The following P2RX4 variants were observed in gnomAD, a reference collection of about 807,000 sequenced individuals.
P2RX4 encodes the protein P2X purinoceptor 4.
Under a neutral mutation model 48.0 loss-of-function variants are expected in P2RX4, and 37 were observed. That is an observed-to-expected ratio of 0.77 (90% CI 0.59 to 1.01). P2RX4 has a LOEUF of 1.01. P2RX4 is among the 50% of genes least tolerant of loss of function. P2RX4 has a pLI of 0.00. For missense variants in P2RX4, 501 were observed against 521.4 expected, an observed-to-expected ratio of 0.96 and a Z score of 0.38; for synonymous variants, 200 against 199.7, an observed-to-expected ratio of 1.00 and a Z score of -0.01.
chr12:121,223,073 T>TTTTTG (rs763093900), intron 5 of P2RX4, 30 bp downstream of exon 5: 33 of 1,427,478 alleles, frequency 2.3e-5, no homozygotes, highest in East Asian at 6.8e-5. Flanking sequence ...AGGAAGTGCC[T>TTTTTG]TTTTGTTTTG....
intron 8 of P2RX4, among the ~76,000 whole-genome samples, chr12:121,230,703 C>T (rs1395860112): frequency 6.6e-6 from 1 of 152,194 alleles, no homozygotes; most frequent in Non-Finnish European, 1.5e-5. Context: ...CCTCGGGCAG[C>T]ACCAGGCCCT....
At chr12:121,217,315 G>T in intron 2 of P2RX4, 34 bp downstream of exon 2, 1 of 1,604,666 alleles carries the variant, frequency 6.2e-7, no homozygotes, top group Non-Finnish European at 8.5e-7. Context: ...GTCTAACACT[G>T]ACACCTTGCT....
intron 5 of P2RX4, 105 bp downstream of exon 5, chr12:121,223,148 A>C: frequency 1.4e-6 from 1 of 722,660 alleles, no homozygotes; most frequent in Non-Finnish European, 2.5e-6. Flanking sequence ...ATCTTGGCTC[A>C]CCACAACCTC....
Position 121,228,809 on chromosome 12 carries a change from C to T in P2RX4, c.690C>T (p.Phe230=). Residue 230 remains phenylalanine, a synonymous_variant, in exon 7 of 12, where the codon TTC becomes TTT. Coordinates refer to ENST00000337233, the MANE Select transcript of P2RX4 (RefSeq NM_002560.3). ...DAKTDPFCPI[F]RLGKIVENAG... ...AAACAGATCCCTTCTGCCCCATATT[C>T]CGTCTTGGCAAAATAGTGGAGAACG... is the stretch of plus-strand genomic sequence containing the variant. 2 of 1,614,192 alleles carry T rather than the reference C, an allele frequency of 1.2e-6. No homozygotes were observed. The highest frequency in any genetic ancestry group is 1.6e-4 in the Middle Eastern group (1 of 6,062).
chr12:121,229,205 G>C lies in P2RX4; in HGVS notation c.884+106G>C. The C allele has an allele frequency of 7.2e-7, 1 of 1,387,076 alleles. No homozygotes were observed. The highest frequency in any genetic ancestry group is 1.0e-6 in the Non-Finnish European group (1 of 985,400). 85.9% of individuals were successfully genotyped at this position (1,387,076 alleles called of 1,614,324 possible). A position where few individuals can be genotyped will look rare whatever the true frequency, so the allele number is the denominator to read the frequency against. On this transcript the variant is annotated intron_variant, in intron 8 of 11. Transcript: ENST00000337233. The surrounding 1 kb of genome is among the most constrained non-coding windows in gnomAD (Gnocchi z 4.6). ...GACCAGCACTCAGGCAGCACCCCAAGGGCAGGCTGCCGGTCCCCCGTCCAA... is the reference window on the plus strand; with the variant it reads ...GACCAGCACTCAGGCAGCACCCCAACGGCAGGCTGCCGGTCCCCCGTCCAA...
At chr12:121,222,589 T>A in intron 4 of P2RX4, 2 of 485,530 alleles carry the variant, frequency 4.1e-6, no homozygotes. Context: ...ATTTTTGTAC[T>A]TTTGGTAGAG....
At chr12:121,228,235 C>CA (rs957066775) in intron 5 of P2RX4, among the ~76,000 whole-genome samples, 16 of 151,344 alleles carry the variant, frequency 1.1e-4, no homozygotes, top group African/African-American at 3.9e-4. Context: ...ACTAAAAATA[C>CA]AAAAAAAGTT....
chr12:121,234,012 T>G lies in P2RX4; in HGVS notation c.*463T>G. On this transcript the variant is annotated 3_prime_UTR_variant, in exon 12 of 12. Coordinates refer to ENST00000337233, the MANE Select transcript of P2RX4 (RefSeq NM_002560.3). ...TGGGCTGCAGGCTTCCCCCCGACCA[T>G]TCCCTGCAGCCATGCGGCAGAGCTG... 1.5e-5 allele frequency: 3 copies of G among 198,746 alleles called. No homozygotes were observed. The highest frequency in any genetic ancestry group is 1.2e-4 in the East Asian group (1 of 8,396). 12.3% of individuals were successfully genotyped at this position (198,746 alleles called of 1,614,324 possible). A position where few individuals can be genotyped will look rare whatever the true frequency, so the allele number is the denominator to read the frequency against.
Position 121,223,005 on chromosome 12 carries a change from G to T in P2RX4, c.486G>T (p.Ala162=), listed in dbSNP as rs370521524. 4 of 1,613,442 alleles carry T rather than the reference G, an allele frequency of 2.5e-6. No homozygotes were observed. The highest frequency in any genetic ancestry group is 1.7e-5 in the Admixed American group (1 of 60,006). ...FNGSVKTCEV[A]AWCPVEDDTH... ...GGTCTGTCAAGACGTGTGAGGTGGC[G>T]GCCTGGTGCCCGGTGGAGGATGACA... Residue 162 remains alanine (A), a synonymous_variant, in exon 5 of 12, where the codon GCG becomes GCT. Coordinates refer to ENST00000337233, the MANE Select transcript of P2RX4 (RefSeq NM_002560.3).
intron 2 of P2RX4, among the ~76,000 whole-genome samples, chr12:121,221,662 G>A (rs1034643254): frequency 6.6e-6 from 1 of 152,118 alleles, no homozygotes; most frequent in African/African-American, 2.4e-5. Context: ...CAAAGTGCTG[G>A]GATTACAGGC....
chr12:121,221,784 A>G, intron 2 of P2RX4, 129 bp from the exon 3 acceptor site: 1 of 747,338 alleles, frequency 1.3e-6, no homozygotes, highest in Non-Finnish European at 2.4e-6. Flanking sequence ...TGGGTTATAA[A>G]CTTTGATGGG....
chr12:121,233,042 AGACTC>A lies in P2RX4; in HGVS notation c.1091_1095del (p.Arg364IlefsTer8). On this transcript the variant is annotated frameshift_variant, in exon 11 of 12. Transcript: ENST00000337233. LOFTEE classifies it high-confidence loss of function. ...CATAGTCCTCTACTGCATGAAGAAAAGACTCTACTATCGGGAGAAGAAATATAAAT... is the reference window on the plus strand; with the variant it reads ...CATAGTCCTCTACTGCATGAAGAAAATACTATCGGGAGAAGAAATATAAAT... The A allele has an allele frequency of 6.2e-7, 1 of 1,614,010 alleles. No homozygotes were observed. Among genetic ancestry groups the A allele is most frequent in the Non-Finnish European group, 8.5e-7 (1 of 1,179,886 alleles).
In P2RX4 at chr12:121,232,429, C is replaced by T. The variant is rs1442191173; in HGVS notation, c.900C>T (p.Tyr300=). The change falls in exon 9 of 12, where the codon TAC becomes TAT. Residue 300 remains tyrosine, a synonymous_variant. Transcript: ENST00000337233. This position sits in a 1 kb window ranked among gnomAD's most constrained non-coding sequence, Gnocchi z 4.3. ...PGYNFRFAKY[Y]RDLAGNEQRT... ...TTCCCCTCAGGTTTGCCAAGTACTA[C>T]AGAGACCTGGCTGGCAACGAGCAGC... 6.2e-6 allele frequency: 10 copies of T among 1,613,364 alleles called. No homozygotes were observed. Among genetic ancestry groups the T allele is most frequent in the Middle Eastern group, 1.6e-4 (1 of 6,084 alleles).
chr12:121,232,628 C>T lies in P2RX4; in HGVS notation c.996C>T (p.Ile332=). 2 of 1,613,924 alleles carry T rather than the reference C, an allele frequency of 1.2e-6. No individual in the cohort carries two copies. The highest frequency in any genetic ancestry group is 1.7e-6 in the Non-Finnish European group (2 of 1,179,812). ...CTTGGCAGGCAGGGAAATTTGACAT[C>T]ATCCCCACTATGATCAACATCGGCT... ...IVFGKAGKFD[I]IPTMINIGSG... Residue 332 remains isoleucine, a synonymous_variant, in exon 10 of 12, where the codon ATC becomes ATT. Transcript: ENST00000337233. The surrounding 1 kb of genome is among the most constrained non-coding windows in gnomAD (Gnocchi z 4.3).
chr12:121,217,287 T>TCTC lies in P2RX4; in HGVS notation c.282+8_282+10dup. ...ATTATGTGATACCAGCTCAGGTGTG[T>TCTC]CTCCCACTGTGTCTTCTGTCTAACA... On this transcript the variant is annotated splice_region_variant and intron_variant, in intron 2 of 11. Coordinates refer to ENST00000337233, the MANE Select transcript of P2RX4 (RefSeq NM_002560.3). 6.2e-7 allele frequency: 1 copy of TCTC among 1,613,786 alleles called. No homozygotes were observed. Among genetic ancestry groups the TCTC allele is most frequent in the South Asian group, 1.1e-5 (1 of 91,062 alleles).
chr12:121,217,041 C>G, intron 1 of P2RX4, 93 bp from the exon 2 acceptor site: 3 of 1,254,676 alleles, frequency 2.4e-6, no homozygotes, highest in Non-Finnish European at 3.5e-6. Context: ...TAGTCAACAT[C>G]GTACTTCCAG....
At chr12:121,233,485 C>G in intron 11 of P2RX4, 38 bp from the exon 12 acceptor site, 1 of 1,594,694 alleles carries the variant, frequency 6.3e-7, no homozygotes, top group Non-Finnish European at 8.6e-7. Flanking sequence ...ACAAGGGGTC[C>G]CAGGGGCACC....
rs536673934 is a variant in P2RX4 at position 121,221,080 on chromosome 12, C to T, written c.283-833C>T. Among the ~76,000 whole-genome samples the T allele has an allele frequency of 2.6e-5, 4 of 152,134 alleles. No individual in the cohort carries two copies. In the South Asian group the frequency reaches 8.3e-4, roughly 32 times the overall value. Reference sequence around the variant, plus strand: ...CCACCTCCCAGGTTCCAGTGATTCTCCTGGCTCAGCCCCCTGAGTAGCTGG... The same window carrying T: ...CCACCTCCCAGGTTCCAGTGATTCTTCTGGCTCAGCCCCCTGAGTAGCTGG... On this transcript the variant is annotated intron_variant, in intron 2 of 11. Coordinates refer to ENST00000337233, the MANE Select transcript of P2RX4 (RefSeq NM_002560.3).
chr12:121,232,426 C>T lies in P2RX4; in HGVS notation c.897C>T (p.Tyr299=), dbSNP rs762316706. Residue 299 remains tyrosine, a synonymous_variant, in exon 9 of 12, where the codon TAC becomes TAT. Transcript: ENST00000337233. This position sits in a 1 kb window ranked among gnomAD's most constrained non-coding sequence, Gnocchi z 4.3. ...SPGYNFRFAK[Y]YRDLAGNEQR... ...TCCTTCCCCTCAGGTTTGCCAAGTA[C>T]TACAGAGACCTGGCTGGCAACGAGC... 7 of 1,613,186 alleles carry T rather than the reference C, an allele frequency of 4.3e-6. No individual in the cohort carries two copies. Among genetic ancestry groups the T allele is most frequent in the Non-Finnish European group, 5.1e-6 (6 of 1,179,156 alleles).
Sources: gnomAD v4.1 joint callset for allele counts (sites outside exome capture counted in the v4.1 genomes callset) on GRCh38, gnomAD v4.1.1 for gene constraint, Gnocchi (gnomAD v3.1) non-coding constraint, MANE v1.5 for transcripts, NCBI Gene and HGNC (gene_info 2026-07-23, HGNC 2026-07-21) for gene names.